The following PCDHA5 variants were observed in gnomAD, a reference collection of about 807,000 sequenced individuals.
PCDHA5 encodes the protein protocadherin alpha-5.
Under a neutral mutation model 61.6 loss-of-function variants are expected in PCDHA5, and 43 were observed. The ratio of observed to expected loss-of-function variants is 0.70; its 90% CI spans 0.55 to 0.90. The LOEUF (loss-of-function observed/expected upper bound fraction) is 0.90. Among genes scored for constraint, PCDHA5 ranks in the 40% least tolerant of loss-of-function variants. The pLI is 0.00. For missense variants in PCDHA5, 1,298 were observed against 1,222.7 expected (o/e 1.06, Z -0.92); for synonymous variants, 627 against 543.9 (o/e 1.15, Z -2.13).
chr5:140,873,453 A>G (rs1454430298), intron 1 of PCDHA5, among the ~76,000 whole-genome samples: 2 of 152,180 alleles, frequency 1.3e-5, no homozygotes, highest in Non-Finnish European at 2.9e-5. Context: ...ACAAATTTGC[A>G]TTTTAGATAA....
At chr5:140,921,663 T>G (rs1427342485) in intron 1 of PCDHA5, among the ~76,000 whole-genome samples, 1 of 152,144 alleles carries the variant, frequency 6.6e-6, no homozygotes, top group Admixed American at 6.5e-5. Flanking sequence ...TAATAAAAAT[T>G]TAACAGTTAT....
chr5:140,955,696 A>G (rs373393526), intron 1 of PCDHA5, among the ~76,000 whole-genome samples: 6 of 152,184 alleles, frequency 3.9e-5, no homozygotes, highest in East Asian at 1.9e-4. Flanking sequence ...GATGAATGTC[A>G]ATGGAAGTTT....
intron 1 of PCDHA5, among the ~76,000 whole-genome samples, chr5:140,834,064 G>T (rs1347200172): frequency 4.6e-5 from 7 of 152,160 alleles, no homozygotes; most frequent in African/African-American, 1.4e-4. Flanking sequence ...ACAATCATGA[G>T]AAATGCTATT....
intron 1 of PCDHA5, chr5:140,966,601 T>C: frequency 1.5e-6 from 1 of 652,170 alleles, no homozygotes; most frequent in East Asian, 3.4e-5. Flanking sequence ...CCAGGAGCCC[T>C]TGGGAGGGCC....
chr5:140,883,297 A>G (rs782572580), intron 1 of PCDHA5: 2 of 1,614,132 alleles, frequency 1.2e-6, no homozygotes, highest in Non-Finnish European at 1.7e-6. Flanking sequence ...TACTAGATGT[A>G]AATGATAACG....
In PCDHA5 at chr5:140,875,735, C is replaced by A. The variant is rs376701509; in HGVS notation, c.2352+51608C>A. The stretch of plus-strand genomic sequence containing the variant: ...CAGAATGGCATTTTGTTTGTGAATT[C>A]TCGGATCGACCGCGAGAAGCTGTGC... On this transcript the variant is annotated intron_variant, in intron 1 of 3. Coordinates refer to ENST00000529859, the MANE Select transcript of PCDHA5 (RefSeq NM_018908.3). 16 of 1,614,114 alleles carry A rather than the reference C, an allele frequency of 9.9e-6. No homozygotes were observed. In the Middle Eastern group the frequency reaches 4.9e-4, roughly 50 times the overall value.
intron 1 of PCDHA5, among the ~76,000 whole-genome samples, chr5:140,923,304 G>A (rs933906504): frequency 6.6e-6 from 1 of 152,172 alleles, no homozygotes; most frequent in African/African-American, 2.4e-5. Context: ...TGGGCGTGGG[G>A]GCGCTTGGCC....
chr5:140,994,434 G>A (rs1238502710), intron 3 of PCDHA5, among the ~76,000 whole-genome samples: 1 of 152,156 alleles, frequency 6.6e-6, no homozygotes, highest in African/African-American at 2.4e-5. Flanking sequence ...CGGGCGCAGT[G>A]GCTCACACCT....
chr5:140,863,400 G>A, intron 1 of PCDHA5: 2 of 854,178 alleles, frequency 2.3e-6, no homozygotes, highest in Admixed American at 1.9e-5. Flanking sequence ...TGCCGGGCAA[G>A]CCCACGCTGG....
chr5:140,851,102 G>T (rs1439831567), intron 1 of PCDHA5: 1 of 1,288,512 alleles, frequency 7.8e-7, no homozygotes, highest in Non-Finnish European at 1.0e-6. Context: ...ATATTTTTTG[G>T]GTGCTGAATC....
Position 140,822,346 on chromosome 5 carries a change from T to C in PCDHA5, c.571T>C (p.Leu191=), listed in dbSNP as rs1304224599. ...VKTNEEETNF[L]ELVLRKSLDR... is the part of the protein sequence containing the mutation. The stretch of plus-strand genomic sequence containing the variant: ...AACAAATGAAGAAGAAACGAACTTT[T>C]TAGAGCTGGTTTTGAGGAAATCCTT... The change falls in exon 1 of 4, where the codon TTA becomes CTA. Residue 191 remains leucine (L), a synonymous_variant. Coordinates refer to ENST00000529859, the MANE Select transcript of PCDHA5 (RefSeq NM_018908.3). The C allele has an allele frequency of 2.5e-6, 4 of 1,613,992 alleles. No homozygotes were observed. In the African/African-American group the frequency reaches 5.3e-5, roughly 22 times the overall value.
intron 1 of PCDHA5, chr5:140,875,303 C>T (rs2055408923): frequency 2.1e-6 from 3 of 1,414,848 alleles, no homozygotes; most frequent in Admixed American, 2.9e-5. Context: ...TTTTTCTCCG[C>T]ACCCACATTC....
intron 1 of PCDHA5, among the ~76,000 whole-genome samples, chr5:140,962,145 G>A (rs1195781182): frequency 3.3e-5 from 5 of 152,074 alleles, no homozygotes; most frequent in Non-Finnish European, 7.4e-5. Flanking sequence ...AAAGTGCTGG[G>A]ATTACAGGCG....
At chr5:140,824,747 A>C (rs1768347679) in intron 1 of PCDHA5, 1 of 151,386 alleles carries the variant, frequency 6.6e-6, no homozygotes, top group South Asian at 2.1e-4. Flanking sequence ...GGATTGAGCA[A>C]GAGTGCCTGG....
intron 1 of PCDHA5, chr5:140,853,385 A>C (rs2042733783): frequency 3.0e-6 from 3 of 986,050 alleles, no homozygotes; most frequent in Non-Finnish European, 3.7e-6. Flanking sequence ...AATTCAAAAC[A>C]GCCTGTCAAG....
rs1554202869 is a variant in PCDHA5, at chr5:140,925,671, A to AATG, written c.2353-53276_2353-53275insGAT. Among the ~76,000 whole-genome samples the AATG allele has an allele frequency of 4.6e-4, 68 of 148,180 alleles. 1 individual carries two copies. The highest frequency in any genetic ancestry group is 1.6e-3 in the African/African-American group (66 of 40,022). On this transcript the variant is annotated intron_variant, in intron 1 of 3. Transcript: ENST00000529859. ...TAATAATAATAATAATAATAATAAT[A>AATG]ATAATAAAGCGAGGGTGGGTATCTA...
rs2066634766 is a variant in PCDHA5, at chr5:140,898,278, G to A, written c.2352+74151G>A. The stretch of plus-strand genomic sequence containing the variant: ...AAGTCCTTGCCCATGCCTAAGTTCT[G>A]AATGGTAATGCCTAGGTTTTCTTCT... On this transcript the variant is annotated intron_variant, in intron 1 of 3. Transcript: ENST00000529859. Among the ~76,000 whole-genome samples, 8 of 152,194 alleles carry A rather than the reference G, an allele frequency of 5.3e-5. No individual in the cohort carries two copies. The South Asian group carries it at 1.7e-3, about 31-fold the overall frequency.
intron 1 of PCDHA5, among the ~76,000 whole-genome samples, chr5:140,941,246 T>C (rs1332165821): frequency 7.1e-6 from 1 of 141,078 alleles, no homozygotes; most frequent in East Asian, 2.0e-4. Flanking sequence ...TTTCTTTCTT[T>C]CTTTCTTTCT....
chr5:140,898,632 C>T (rs2066885282), intron 1 of PCDHA5, among the ~76,000 whole-genome samples: 1 of 152,158 alleles, frequency 6.6e-6, no homozygotes, highest in Non-Finnish European at 1.5e-5. Flanking sequence ...ATAATGCCTC[C>T]AGCTTTGTTC....
Sources: allele counts gnomAD v4.1 joint callset (sites outside exome capture counted in the v4.1 genomes callset), GRCh38; gene constraint gnomAD v4.1.1; transcripts MANE v1.5; gene names NCBI Gene and HGNC (gene_info 2026-07-23, HGNC 2026-07-21).